BPIFB6: variants seen among roughly 807,000 people sequenced by gnomAD.
BPIFB6 encodes BPI fold containing family B member 6.
In BPIFB6, 47 loss-of-function variants were observed where a neutral mutation model predicts 54.7. The observed-to-expected ratio is 0.86, with a 90% CI of 0.68 to 1.10. The LOEUF is 1.10. Among genes scored for constraint, BPIFB6 ranks in the 50% least tolerant of loss-of-function variants. The probability of loss-of-function intolerance (pLI) is 0.00; values close to 1 mark genes in which losing one functional copy is unlikely to be tolerated. For synonymous variants in BPIFB6, 255 were observed against 225.9 expected (o/e 1.13, Z -1.16); for missense variants, 603 against 564.1 (o/e 1.07, Z -0.70).
intron 1 of BPIFB6, among the ~76,000 whole-genome samples, chr20:33,032,107 C>T (rs1979127579): frequency 6.6e-6 from 1 of 152,112 alleles, no homozygotes; most frequent in South Asian, 2.1e-4. Context: ...ACTTGGCCTC[C>T]CTGTGTTGCT....
chr20:33,035,534 G>A, intron 5 of BPIFB6, 78 bp from the exon 6 acceptor site: 1 of 1,461,282 alleles, frequency 6.8e-7, no homozygotes, highest in Non-Finnish European at 9.6e-7. Flanking sequence ...TCTTGGGATG[G>A]CCCGTGGTGT....
At chr20:33,043,503 C>T (rs1216083420) in intron 14 of BPIFB6, 136 bp downstream of exon 14, 3 of 764,964 alleles carry the variant, frequency 3.9e-6, no homozygotes, top group Non-Finnish European at 6.8e-6. Context: ...TCCTGCCCCT[C>T]AGAATCTAGA....
intron 7 of BPIFB6, among the ~76,000 whole-genome samples, 172 bp from the exon 8 acceptor site, chr20:33,037,390 C>A (rs1979387414): frequency 6.6e-6 from 1 of 152,186 alleles, no homozygotes; most frequent in Non-Finnish European, 1.5e-5. Flanking sequence ...GTCTACCCAC[C>A]TGTACACTGG....
chr20:33,042,921 C>A (rs1424570148), intron 13 of BPIFB6, 43 bp downstream of exon 13: 2 of 1,585,340 alleles, frequency 1.3e-6, no homozygotes, highest in Admixed American at 1.7e-5. Context: ...CCAAGAAGCA[C>A]TTTAAGCAAT....
At chr20:33,033,138 T>A (rs2146362958) in intron 2 of BPIFB6, 55 bp downstream of exon 2, 1 of 1,336,592 alleles carries the variant, frequency 7.5e-7, no homozygotes, top group South Asian at 1.2e-5. Flanking sequence ...GTGGTGGGGA[T>A]TGCTGTGCCC....
At chr20:33,031,905 A>C (rs1027192255) in intron 1 of BPIFB6, among the ~76,000 whole-genome samples, 161 bp downstream of exon 1, 1 of 152,220 alleles carries the variant, frequency 6.6e-6, no homozygotes, top group African/African-American at 2.4e-5. Flanking sequence ...AGAGGGGAGA[A>C]ACCAAGGACC....
chr20:33,034,831 A>T lies in BPIFB6; in HGVS notation c.371A>T (p.Asp124Val). Residue 124 changes from aspartate (D) to valine (V), a missense_variant, in exon 4 of 15, where the codon GAT (aspartate) becomes GTT (valine). By Grantham distance (152) the Asp-to-Val change is radical. Coordinates refer to ENST00000349552, the MANE Select transcript of BPIFB6 (RefSeq NM_174897.2). ...ACAGCCACCAACCGGCTTCTGCGGG[A>T]TGAGGAGACAGGCCTCCCCGTGTTC... ...NITATNRLLR[D>V]EETGLPVFKS... 2 of 1,613,910 alleles carry T rather than the reference A, an allele frequency of 1.2e-6. No individual in the cohort carries two copies. Among genetic ancestry groups the T allele is most frequent in the Middle Eastern group, 1.7e-4 (1 of 6,060 alleles).
chr20:33,035,228 T>G, intron 5 of BPIFB6, 84 bp downstream of exon 5: 1 of 1,344,538 alleles, frequency 7.4e-7, no homozygotes, highest in South Asian at 1.2e-5. Flanking sequence ...TGTTGGGTGC[T>G]GACCCTGATT....
At chr20:33,034,546 A>G in intron 3 of BPIFB6, among the ~76,000 whole-genome samples, 1 of 152,222 alleles carries the variant, frequency 6.6e-6, no homozygotes, top group South Asian at 2.1e-4. Context: ...ACAGCAAAGC[A>G]GATTTTAAAG....
At chr20:33,042,767 G>A (rs748061600) in intron 12 of BPIFB6, 48 bp from the exon 13 acceptor site, 1 of 1,543,136 alleles carries the variant, frequency 6.5e-7, no homozygotes, top group South Asian at 1.1e-5. Context: ...TCTGTTGAAT[G>A]GTATTGGACT....
At chr20:33,039,847 G>C (rs183083860) in intron 10 of BPIFB6, among the ~76,000 whole-genome samples, 1 of 152,234 alleles carries the variant, frequency 6.6e-6, no homozygotes, top group Non-Finnish European at 1.5e-5. Flanking sequence ...GCTTCCAAGA[G>C]GAGGTGATAG....
intron 5 of BPIFB6, 72 bp downstream of exon 5, chr20:33,035,216 C>A: frequency 6.8e-7 from 1 of 1,471,622 alleles, no homozygotes; most frequent in Non-Finnish European, 9.4e-7. Context: ...AAATGCATTT[C>A]ATGTTGGGTG....
chr20:33,036,565 G>T (rs761912252), intron 7 of BPIFB6, 29 bp downstream of exon 7: 24 of 1,578,092 alleles, frequency 1.5e-5, no homozygotes, highest in Non-Finnish European at 2.0e-5. Flanking sequence ...CTGGGAGCTG[G>T]GGTCTCAGGC....
rs1473850313 is a variant in BPIFB6 at position 33,031,752 on chromosome 20, G to A, written c.97+8G>A. The A allele has an allele frequency of 6.2e-7, 1 of 1,613,822 alleles. No individual in the cohort carries two copies. The stretch of plus-strand genomic sequence containing the variant: ...GCATGGACATCATGAACCGTGGTGA[G>A]CTTGTGGGCCCGGGCGTGCAGCTGG... On this transcript the variant is annotated splice_region_variant and intron_variant, in intron 1 of 14. Coordinates refer to ENST00000349552, the MANE Select transcript of BPIFB6 (RefSeq NM_174897.2).
At chr20:33,042,495 A>C (rs1221453942) in intron 12 of BPIFB6, among the ~76,000 whole-genome samples, 1 of 152,194 alleles carries the variant, frequency 6.6e-6, no homozygotes, top group Non-Finnish European at 1.5e-5. Context: ...GTGGTAAGTG[A>C]GGGACTCATC....
In BPIFB6 at chr20:33,039,599, C is replaced by G. The variant is rs1026525251; in HGVS notation, c.1074+79C>G. 3 of 1,427,556 alleles carry G rather than the reference C, an allele frequency of 2.1e-6. No individual in the cohort carries two copies. The African/African-American group carries it at 4.3e-5, about 21-fold the overall frequency. 88.4% of individuals were successfully genotyped at this position (1,427,556 alleles called of 1,614,324 possible). A position where few individuals can be genotyped will look rare whatever the true frequency, so the allele number is the denominator to read the frequency against. ...GCTGGAGGATGGGATTTTTAGTTGA[C>G]AGCCAAGTCATGGATCAGAGGGATC... On this transcript the variant is annotated intron_variant, in intron 10 of 14. Coordinates refer to ENST00000349552, the MANE Select transcript of BPIFB6 (RefSeq NM_174897.2).
At position 33,035,617 on chromosome 20, in the gene BPIFB6, TC is replaced by T; in HGVS notation, c.525del (p.Ala176ProfsTer9). The T allele has an allele frequency of 6.2e-7, 1 of 1,614,122 alleles. No homozygotes were observed. Among genetic ancestry groups the T allele is most frequent in the Non-Finnish European group, 8.5e-7 (1 of 1,180,014 alleles). ...AGTGCCTTCTCTGCTTCCAGATGTGTCCCGCCATCGATGCAGTCCTGGTGTA... is the reference window on the plus strand; with the variant it reads ...AGTGCCTTCTCTGCTTCCAGATGTGTCCGCCATCGATGCAGTCCTGGTGTA... The part of the protein sequence containing the change: ...LHKVLPGLMC[P>X]AIDAVLVYVN... On this transcript the variant is annotated frameshift_variant, in exon 6 of 15. Coordinates refer to ENST00000349552, the MANE Select transcript of BPIFB6 (RefSeq NM_174897.2). LOFTEE classifies it high-confidence loss of function.
Position 33,037,598 on chromosome 20 carries a change from C to G in BPIFB6, c.706C>G (p.Leu236Val). The change falls in exon 8 of 15, where the codon CTT (leucine) becomes GTT (valine). Residue 236 changes from leucine to valine, a missense_variant. By Grantham distance (32) the Leu-to-Val change is conservative (BLOSUM62 1). Coordinates refer to ENST00000349552, the MANE Select transcript of BPIFB6 (RefSeq NM_174897.2). ...VQQQKGKTIKLADAGEALTFP... is the reference protein window; with the variant it reads ...VQQQKGKTIKVADAGEALTFP... The stretch of plus-strand genomic sequence containing the variant: ...GCAGCAAAAGGGCAAAACCATCAAG[C>G]TTGCTGATGCCGGGGAGGCCCTCAC... The G allele has an allele frequency of 6.2e-7, 1 of 1,613,900 alleles. No homozygotes were observed. The highest frequency in any genetic ancestry group is 1.7e-4 in the Middle Eastern group (1 of 6,026).
rs553286020 is a variant in BPIFB6, at chr20:33,036,414, C to T, written c.578-31C>T. On this transcript the variant is annotated intron_variant, in intron 6 of 14. Coordinates refer to ENST00000349552, the MANE Select transcript of BPIFB6 (RefSeq NM_174897.2). ...CTCTGGGCTGTTCCTGGGGTTGGTGCCTCTTTGAGTGGAACCTCCTTTTCA... is the reference window on the plus strand; with the variant it reads ...CTCTGGGCTGTTCCTGGGGTTGGTGTCTCTTTGAGTGGAACCTCCTTTTCA... The T allele has an allele frequency of 4.4e-6, 7 of 1,576,366 alleles. No individual in the cohort carries two copies. In the Admixed American group the frequency reaches 6.9e-5, roughly 16 times the overall value.
Sources: gnomAD v4.1 joint callset for allele counts (sites outside exome capture counted in the v4.1 genomes callset) on GRCh38, gnomAD v4.1.1 for gene constraint, MANE v1.5 for transcripts, NCBI Gene and HGNC (gene_info 2026-07-23, HGNC 2026-07-21) for gene names.